PCDHGB4: variants seen among roughly 807,000 people sequenced by gnomAD.
PCDHGB4 encodes protocadherin gamma-B4.
A neutral mutation model predicts 60.5 loss-of-function variants in PCDHGB4; 38 were observed. The ratio of observed to expected loss-of-function variants is 0.63; its 90% CI spans 0.48 to 0.82. PCDHGB4 has a LOEUF of 0.82. PCDHGB4 is among the 40% of genes least tolerant of loss of function. PCDHGB4 has a pLI of 0.00. For synonymous variants in PCDHGB4, 456 were observed against 509.7 expected (o/e 0.89, Z 1.42); for missense variants, 1,109 against 1,209.6 (o/e 0.92, Z 1.23).
chr5:141,417,902 C>G (rs2096184021), intron 1 of PCDHGB4: 1 of 1,588,280 alleles, frequency 6.3e-7, no homozygotes, highest in Non-Finnish European at 8.6e-7. Context: ...CGGCCCGCGG[C>G]AGGTACTATT....
intron 1 of PCDHGB4, among the ~76,000 whole-genome samples, chr5:141,434,479 A>C (rs2097696849): frequency 6.6e-6 from 1 of 152,202 alleles, no homozygotes; most frequent in African/African-American, 2.4e-5. Flanking sequence ...AGGGCAAGGA[A>C]CACCTGGCCC....
At position 141,399,372 on chromosome 5, in the gene PCDHGB4, T is replaced by A; in HGVS notation, c.2397+9091T>A. The A allele has an allele frequency of 1.2e-6, 2 of 1,613,970 alleles. 1 individual carries two copies. The highest frequency in any genetic ancestry group is 2.2e-5 in the South Asian group (2 of 91,086). On this transcript the variant is annotated intron_variant, in intron 1 of 3. Transcript: ENST00000519479. ...ACCGAGAGCAAACCCCGGAGTACAATGTCACCATCACAGCCACAGACAGGG... is the reference window on the plus strand; with the variant it reads ...ACCGAGAGCAAACCCCGGAGTACAAAGTCACCATCACAGCCACAGACAGGG...
rs771313271 is a variant in PCDHGB4 at position 141,477,861 on chromosome 5, G to C, written c.2398-16946G>C. 1.2e-6 allele frequency: 2 copies of C among 1,612,714 alleles called. No individual in the cohort carries two copies. Among genetic ancestry groups the C allele is most frequent in the South Asian group, 1.1e-5 (1 of 90,968 alleles). On this transcript the variant is annotated intron_variant, in intron 1 of 3. Transcript: ENST00000519479. The surrounding 1 kb of genome is among the most constrained non-coding windows in gnomAD (Gnocchi z 4.9). ...GGGAGCTCGGTGGAGATGCTGCCTC[G>C]AGGTACCTCAGCTGGCCACCTAGTG...
intron 1 of PCDHGB4, chr5:141,400,715 T>C: frequency 1.5e-6 from 1 of 682,576 alleles, no homozygotes; most frequent in Non-Finnish European, 2.4e-6. Context: ...AGTAGCCTTA[T>C]AGATTTACAA....
At chr5:141,393,270 C>A in intron 1 of PCDHGB4, 1 of 1,613,916 alleles carries the variant, frequency 6.2e-7, no homozygotes, top group East Asian at 2.2e-5. Context: ...AGCACGTTAT[C>A]CACTCCCAGA....
intron 1 of PCDHGB4, chr5:141,478,491 G>A: frequency 6.2e-7 from 1 of 1,613,152 alleles, no homozygotes; most frequent in Non-Finnish European, 8.5e-7. Flanking sequence ...CTGCGGAGCT[G>A]TGATCCGGTG....
chr5:141,397,039 A>G (rs2093467837), intron 1 of PCDHGB4, among the ~76,000 whole-genome samples: 1 of 152,236 alleles, frequency 6.6e-6, no homozygotes, highest in Non-Finnish European at 1.5e-5. Context: ...CCACAAATTT[A>G]TGTAAATGAA....
At chr5:141,409,723 G>T (rs781363259) in intron 1 of PCDHGB4, 1 of 1,613,154 alleles carries the variant, frequency 6.2e-7, no homozygotes, top group Non-Finnish European at 8.5e-7. Flanking sequence ...ACGTGTCAGT[G>T]AGCGCGCAGA....
Position 141,490,198 on chromosome 5 carries a change from G to A in PCDHGB4, c.2398-4609G>A. ...GGAGTCACGTTTCTATGAAATTCAT[G>A]CAAGAGCCCGTGACCAGGGACAGCC... On this transcript the variant is annotated intron_variant, in intron 1 of 3. Coordinates refer to ENST00000519479, the MANE Select transcript of PCDHGB4 (RefSeq NM_003736.4). The surrounding 1 kb of genome is among the most constrained non-coding windows in gnomAD (Gnocchi z 5.4). The A allele has an allele frequency of 6.2e-7, 1 of 1,614,208 alleles. No homozygotes were observed. Among genetic ancestry groups the A allele is most frequent in the Non-Finnish European group, 8.5e-7 (1 of 1,180,038 alleles).
chr5:141,500,520 T>TA (rs2099801149), intron 2 of PCDHGB4, among the ~76,000 whole-genome samples: 2 of 152,312 alleles, frequency 1.3e-5, no homozygotes, highest in Admixed American at 1.3e-4. Flanking sequence ...AGCTTCATTT[T>TA]AAAAAAATCT....
chr5:141,431,440 C>T lies in PCDHGB4; in HGVS notation c.2397+41159C>T. ...ACCCGGTGCGCACAGGCACCGCGCG[C>T]ATCCGCGTGATGGTTCTGGATGCGA... is the stretch of plus-strand genomic sequence containing the variant. On this transcript the variant is annotated intron_variant, in intron 1 of 3. Transcript: ENST00000519479. The surrounding 1 kb of genome is among the most constrained non-coding windows in gnomAD (Gnocchi z 4.8). 6.2e-7 allele frequency: 1 copy of T among 1,613,754 alleles called. No homozygotes were observed.
chr5:141,491,578 C>G lies in PCDHGB4; in HGVS notation c.2398-3229C>G, dbSNP rs1438933474. ...CCACTGCTACAGGACGTGCTTTTCA[C>G]CGGCCTCGGACGGCAGTGACTTCAC... On this transcript the variant is annotated intron_variant, in intron 1 of 3. Transcript: ENST00000519479. This position sits in a 1 kb window ranked among gnomAD's most constrained non-coding sequence, Gnocchi z 6.9. The G allele has an allele frequency of 1.9e-6, 3 of 1,614,006 alleles. No individual in the cohort carries two copies. Among genetic ancestry groups the G allele is most frequent in the Non-Finnish European group, 2.5e-6 (3 of 1,180,036 alleles).
intron 1 of PCDHGB4, among the ~76,000 whole-genome samples, chr5:141,464,934 G>T (rs1353581045): frequency 1.3e-5 from 2 of 151,416 alleles, no homozygotes; most frequent in African/African-American, 4.8e-5. Flanking sequence ...GAGATGTGAG[G>T]TCTCACTATG....
chr5:141,392,836 C>G, intron 1 of PCDHGB4: 1 of 1,608,040 alleles, frequency 6.2e-7, no homozygotes, highest in Non-Finnish European at 8.5e-7. Flanking sequence ...CAGAGTCGCC[C>G]CAGACGCGGC....
chr5:141,464,263 TAAA>T (rs35224477), intron 1 of PCDHGB4, among the ~76,000 whole-genome samples: 2 of 103,604 alleles, frequency 1.9e-5, no homozygotes, highest in Non-Finnish European at 1.9e-5. Flanking sequence ...AGACTCCGTC[TAAA>T]AAAAAAAAAA....
chr5:141,450,831 T>TATTA (rs761717068), intron 1 of PCDHGB4, among the ~76,000 whole-genome samples: 2 of 144,580 alleles, frequency 1.4e-5, no homozygotes, highest in South Asian at 2.2e-4. Flanking sequence ...TTATTATTAT[T>TATTA]TTTTTTTTTT....
chr5:141,482,763 T>TGC (rs2099571981), intron 1 of PCDHGB4, among the ~76,000 whole-genome samples: 1 of 127,550 alleles, frequency 7.8e-6, no homozygotes, highest in African/African-American at 3.6e-5. Flanking sequence ...GGTATTTCAT[T>TGC]ATCACTGAAC....
At chr5:141,407,385 T>A (rs1306044111) in intron 1 of PCDHGB4, among the ~76,000 whole-genome samples, 1 of 152,228 alleles carries the variant, frequency 6.6e-6, no homozygotes, top group South Asian at 2.1e-4. Flanking sequence ...GGCTTGTATG[T>A]CATGGTAGGT....
intron 1 of PCDHGB4, chr5:141,400,093 C>G (rs1225718379): frequency 1.2e-6 from 2 of 1,614,094 alleles, no homozygotes; most frequent in Non-Finnish European, 1.7e-6. Context: ...CACCGCCACG[C>G]TGCACTTGGT....
Sources: allele counts gnomAD v4.1 joint callset (sites outside exome capture counted in the v4.1 genomes callset), GRCh38; gene constraint gnomAD v4.1.1; non-coding constraint Gnocchi (gnomAD v3.1); transcripts MANE v1.5; gene names NCBI Gene and HGNC (gene_info 2026-07-23, HGNC 2026-07-21).